The following REEP1 variants were observed in gnomAD, a reference collection of about 807,000 sequenced individuals.
The protein encoded by REEP1 is receptor accessory protein 1.
A neutral mutation model predicts 40.3 loss-of-function variants in REEP1; 22 were observed. That is an observed-to-expected ratio of 0.55 (90% CI 0.39 to 0.78). REEP1 has a LOEUF of 0.78. REEP1 is among the 30% of genes least tolerant of loss of function. The pLI, the probability that REEP1 is intolerant of heterozygous loss-of-function variation, is 0.00. For synonymous variants in REEP1, 116 were observed against 139.2 expected, an observed-to-expected ratio of 0.83 and a Z score of 1.17; for missense variants, 280 against 361.1, an observed-to-expected ratio of 0.78 and a Z score of 1.82.
At chr2:86,283,010 C>G (rs146865779) in intron 1 of REEP1, among the ~76,000 whole-genome samples, 2 of 152,242 alleles carry the variant, frequency 1.3e-5, no homozygotes, top group East Asian at 1.9e-4. Flanking sequence ...TCTTCCTTCC[C>G]CCTTCTTTAT....
At chr2:86,224,642 C>T (rs2103989567) in intron 7 of REEP1, among the ~76,000 whole-genome samples, 1 of 152,338 alleles carries the variant, frequency 6.6e-6, no homozygotes, top group Middle Eastern at 3.4e-3. Context: ...CTTGAGGCCA[C>T]CACCAGGCCT....
intron 3 of REEP1, among the ~76,000 whole-genome samples, chr2:86,259,588 A>G (rs1676749560): frequency 6.6e-6 from 1 of 151,876 alleles, no homozygotes; most frequent in African/African-American, 2.4e-5. Flanking sequence ...GGGTTTCACC[A>G]TGTTTGCCAG....
At chr2:86,255,516 T>TC (rs1483231524) in intron 3 of REEP1, among the ~76,000 whole-genome samples, 2 of 151,934 alleles carry the variant, frequency 1.3e-5, no homozygotes, top group Non-Finnish European at 2.9e-5. Context: ...CATTTATTTG[T>TC]CCCCCCACAG....
At chr2:86,237,743 G>C (rs538044864) in intron 5 of REEP1, among the ~76,000 whole-genome samples, 193 of 152,080 alleles carry the variant, frequency 1.3e-3, no homozygotes, top group Non-Finnish European at 2.2e-3. Flanking sequence ...GGCTGGTCTC[G>C]AACTCCTGAC....
chr2:86,268,137 G>A (rs1047839205), intron 2 of REEP1, among the ~76,000 whole-genome samples: 1 of 152,108 alleles, frequency 6.6e-6, no homozygotes, highest in Non-Finnish European at 1.5e-5. Context: ...CATAATGGAA[G>A]TCCTAGATAA....
chr2:86,295,229 G>A (rs181458200), intron 1 of REEP1, among the ~76,000 whole-genome samples: 16 of 152,242 alleles, frequency 1.1e-4, no homozygotes, highest in African/African-American at 3.9e-4. Context: ...CCTTGCTCCC[G>A]AGTTGGCCAA....
At chr2:86,262,207 A>T (rs879245845) in intron 3 of REEP1, among the ~76,000 whole-genome samples, 1 of 152,058 alleles carries the variant, frequency 6.6e-6, no homozygotes, top group Non-Finnish European at 1.5e-5. Context: ...TTCTTTTCCA[A>T]GTCTCTCGTT....
At chr2:86,290,273 G>A (rs1678625078) in intron 1 of REEP1, among the ~76,000 whole-genome samples, 1 of 152,144 alleles carries the variant, frequency 6.6e-6, no homozygotes, top group South Asian at 2.1e-4. Context: ...TCGTTGCCAG[G>A]GTTAGATGGG....
intron 1 of REEP1, among the ~76,000 whole-genome samples, chr2:86,307,258 C>G (rs1679533100): frequency 6.7e-6 from 1 of 150,128 alleles, no homozygotes; most frequent in South Asian, 2.1e-4. Context: ...TGGAATCTAG[C>G]ATAAGGAAAA....
At chr2:86,312,305 T>C (rs1679800028) in intron 1 of REEP1, among the ~76,000 whole-genome samples, 1 of 152,180 alleles carries the variant, frequency 6.6e-6, no homozygotes, top group African/African-American at 2.4e-5. Context: ...CAAACTGTGT[T>C]TGGAAGACCA....
chr2:86,217,819 G>T (rs958243695), intron 8 of REEP1, among the ~76,000 whole-genome samples: 7 of 151,964 alleles, frequency 4.6e-5, no homozygotes, highest in African/African-American at 7.3e-5. Context: ...TTCGATTAGG[G>T]ATGCTCAACT....
intron 4 of REEP1, 125 bp from the exon 5 acceptor site, chr2:86,252,195 G>A: frequency 1.3e-6 from 1 of 751,160 alleles, no homozygotes; most frequent in Non-Finnish European, 2.4e-6. Context: ...GGCCTGAAAA[G>A]CTGTAGGCAC....
At chr2:86,264,922 C>T (rs775821936) in intron 2 of REEP1, among the ~76,000 whole-genome samples, 3 of 152,128 alleles carry the variant, frequency 2.0e-5, no homozygotes, top group Non-Finnish European at 4.4e-5. Context: ...CATCATGGGG[C>T]AGAGAGAACT....
At chr2:86,314,649 C>T (rs1239052476) in intron 1 of REEP1, among the ~76,000 whole-genome samples, 1 of 151,686 alleles carries the variant, frequency 6.6e-6, no homozygotes, top group Non-Finnish European at 1.5e-5. Context: ...CTCTTCTTCC[C>T]CAGTGTGCTT....
rs1046284601 is a variant in REEP1 at position 86,219,698 on chromosome 2, G to A, written c.783+272C>T. ...TGACCTCAGGTGATCCACCTGCCTC[G>A]GCCTCCCAAAGTGCTGGGATTACAG... On this transcript the variant is annotated intron_variant, in intron 8 of 8. Coordinates refer to ENST00000538924, the MANE Select transcript of REEP1 (RefSeq NM_001371279.1). Among the ~76,000 whole-genome samples the A allele has an allele frequency of 5.9e-5, 9 of 152,022 alleles. 1 individual carries two copies. Among genetic ancestry groups the A allele is most frequent in the East Asian group, 1.9e-4 (1 of 5,180 alleles).
At chr2:86,222,051 G>A (rs142817236) in intron 7 of REEP1, among the ~76,000 whole-genome samples, 18 of 152,300 alleles carry the variant, frequency 1.2e-4, no homozygotes, top group African/African-American at 2.6e-4. Flanking sequence ...ACTGATGGTT[G>A]TGGGTGTCAG....
At chr2:86,273,461 T>C (rs1439997127) in intron 2 of REEP1, among the ~76,000 whole-genome samples, 1 of 152,076 alleles carries the variant, frequency 6.6e-6, no homozygotes. Context: ...TTTTTTTGTA[T>C]TTTTTGTAGA....
chr2:86,269,702 T>C (rs552606458), intron 2 of REEP1, among the ~76,000 whole-genome samples: 42 of 152,150 alleles, frequency 2.8e-4, no homozygotes, highest in Non-Finnish European at 5.7e-4. Context: ...GTGCAGGACA[T>C]GATGGTAATA....
chr2:86,275,455 A>G (rs1162202068), intron 2 of REEP1, among the ~76,000 whole-genome samples: 1 of 152,110 alleles, frequency 6.6e-6, no homozygotes, highest in Non-Finnish European at 1.5e-5. Flanking sequence ...ATGCAAACTA[A>G]CCAATCCAGA....
Sources: allele counts gnomAD v4.1 joint callset (sites outside exome capture counted in the v4.1 genomes callset), GRCh38; gene constraint gnomAD v4.1.1; transcripts MANE v1.5; gene names NCBI Gene and HGNC (gene_info 2026-07-23, HGNC 2026-07-21).